The following ITPRIP variants were observed in gnomAD, a reference collection of about 807,000 sequenced individuals.
The protein encoded by ITPRIP is inositol 1,4,5-trisphosphate receptor-interacting protein.
ITPRIP carries 32 observed loss-of-function variants against 35.8 expected under a neutral mutation model. That is an observed-to-expected ratio of 0.89 (90% CI 0.68 to 1.20). The LOEUF (loss-of-function observed/expected upper bound fraction) is 1.20. Ranked by LOEUF, ITPRIP falls within the 50% of genes most tolerant of loss-of-function variation. The pLI is 0.00. For missense variants in ITPRIP, 653 were observed against 735.6 expected (o/e 0.89, Z 1.30); for synonymous variants, 358 against 324.0 (o/e 1.11, Z -1.13).
chr10:104,317,892 C>G (rs1244075088), intron 1 of ITPRIP, among the ~76,000 whole-genome samples: 1 of 152,228 alleles, frequency 6.6e-6, no homozygotes, highest in Non-Finnish European at 1.5e-5. Context: ...CCTAGACAAA[C>G]TTGCTGCTCA....
At position 104,315,298 on chromosome 10, in the gene ITPRIP, T is replaced by C. The variant is rs1564861307; in HGVS notation, c.754A>G (p.Thr252Ala). ...GTCTTGCCGCAGATGCAGCTCAATG[T>C]GTCCCCATCGGCGCGGACCACCTTG... ...QIKVVRADGD[T>A]LSCICGKTKL... Residue 252 changes from threonine to alanine, a missense_variant, in exon 2 of 2, where the codon ACA becomes GCA. Thr to Ala is a moderately conservative substitution (Grantham distance 58, BLOSUM62 0). Coordinates refer to ENST00000337478, the MANE Select transcript of ITPRIP (RefSeq NM_001272013.2). This position sits in a 1 kb window ranked among gnomAD's most constrained non-coding sequence, Gnocchi z 5.7. 2.5e-6 allele frequency: 4 copies of C among 1,591,190 alleles called. No homozygotes were observed. Among genetic ancestry groups the C allele is most frequent in the Middle Eastern group, 1.7e-4 (1 of 5,946 alleles).
At position 104,332,653 on chromosome 10, in the gene ITPRIP, A is replaced by G. The variant is rs534799014; in HGVS notation, c.-14+5593T>C. ...CAGGTCACCAAGTTAAGAGCATCAG[A>G]ACTGCTGAGTGACCTCAGCCTTGTA... is the stretch of plus-strand genomic sequence containing the variant. On this transcript the variant is annotated intron_variant, in intron 1 of 1. Transcript: ENST00000337478. Among the ~76,000 whole-genome samples the G allele has an allele frequency of 4.6e-4, 70 of 152,340 alleles. No individual in the cohort carries two copies. The South Asian group carries it at 0.014, about 32-fold the overall frequency.
At chr10:104,318,430 C>T (rs1014671617) in intron 1 of ITPRIP, among the ~76,000 whole-genome samples, 5 of 152,184 alleles carry the variant, frequency 3.3e-5, no homozygotes, top group African/African-American at 1.2e-4. Context: ...TGGGCCTTGA[C>T]CAGTCACAGT....
chr10:104,319,557 G>A (rs570718596), intron 1 of ITPRIP, among the ~76,000 whole-genome samples: 14 of 152,184 alleles, frequency 9.2e-5, no homozygotes, highest in African/African-American at 3.1e-4. Context: ...CCATCTCCCC[G>A]CTTCCCCGGA....
At chr10:104,327,534 A>G (rs1035664740) in intron 1 of ITPRIP, among the ~76,000 whole-genome samples, 2 of 152,112 alleles carry the variant, frequency 1.3e-5, no homozygotes, top group African/African-American at 4.8e-5. Flanking sequence ...CTGACCTCAC[A>G]GCAAGCCCAT....
chr10:104,314,993 C>A lies in ITPRIP; in HGVS notation c.1059G>T (p.Gln353His), dbSNP rs760642825. ...FMPFNLIPVIQCDDSDLYFVS... is the reference protein window; with the variant it reads ...FMPFNLIPVIHCDDSDLYFVS... ...CAAAGTACAGGTCCGAGTCATCACACTGGATCACAGGAATCAGGTTGAAGG... is the reference window on the plus strand; with the variant it reads ...CAAAGTACAGGTCCGAGTCATCACAATGGATCACAGGAATCAGGTTGAAGG... Residue 353 changes from glutamine to histidine, a missense_variant, in exon 2 of 2, where the codon CAG (glutamine) becomes CAT (histidine). Physicochemically the swap from Gln to His is conservative, Grantham distance 24. Transcript: ENST00000337478. 6 of 1,613,968 alleles carry A rather than the reference C, an allele frequency of 3.7e-6. No individual in the cohort carries two copies. In the Admixed American group the frequency reaches 6.7e-5, roughly 18 times the overall value.
Position 104,309,841 on chromosome 10 carries a change from A to C in ITPRIP, c.*4567T>G, listed in dbSNP as rs1182028746. The C allele has an allele frequency of 6.6e-6, 1 of 152,258 alleles. No individual in the cohort carries two copies. The highest frequency in any genetic ancestry group is 2.4e-5 in the African/African-American group (1 of 41,474). 9.4% of individuals were successfully genotyped at this position (152,258 alleles called of 1,614,324 possible). ...TCTCTGGGGAGTGGACTAAGAAGTC[A>C]GAAGTGGGACCGTTAGTCTGTTACT... is the stretch of plus-strand genomic sequence containing the variant. On this transcript the variant is annotated 3_prime_UTR_variant, in exon 2 of 2. Transcript: ENST00000337478.
In ITPRIP at chr10:104,315,494, C is replaced by T; in HGVS notation, c.558G>A (p.Glu186=). ...TGTCCACGCCAATGAAGTCCTCCAC[C>T]TCCATGTCGGTGTCCCGGTTGCAGA... The part of the protein sequence containing the change: ...RSLCNRDTDM[E]VEDFIGVDSM... The change falls in exon 2 of 2, where the codon GAG becomes GAA. Residue 186 remains glutamate, a synonymous_variant. Coordinates refer to ENST00000337478, the MANE Select transcript of ITPRIP (RefSeq NM_001272013.2). The surrounding 1 kb of genome is among the most constrained non-coding windows in gnomAD (Gnocchi z 5.7). 7 of 1,614,198 alleles carry T rather than the reference C, an allele frequency of 4.3e-6. No homozygotes were observed. Among genetic ancestry groups the T allele is most frequent in the African/African-American group, 1.3e-5 (1 of 75,076 alleles).
Position 104,311,265 on chromosome 10 carries a change from CA to C in ITPRIP, c.*3142del, listed in dbSNP as rs1158067870. 1 of 152,210 alleles carries C rather than the reference CA, an allele frequency of 6.6e-6. No homozygotes were observed. Among genetic ancestry groups the C allele is most frequent in the Non-Finnish European group, 1.5e-5 (1 of 68,040 alleles). The allele number at this position is 152,210 out of a possible 1,614,324, so 9.4% of individuals were successfully genotyped here. On this transcript the variant is annotated 3_prime_UTR_variant, in exon 2 of 2. Transcript: ENST00000337478. ...TCCAAGCAGGCTCATTGGCTTTTCC[CA>C]GGTCTATCTATCTTCCAATAGATCT...
chr10:104,335,932 GAA>G (rs55637963), intron 1 of ITPRIP, among the ~76,000 whole-genome samples: 3 of 144,404 alleles, frequency 2.1e-5, no homozygotes, highest in Non-Finnish European at 3.0e-5. Flanking sequence ...TACTTTTGGG[GAA>G]AAAAAAAAAA....
chr10:104,313,733 G>C lies in ITPRIP; in HGVS notation c.*675C>G. Reference sequence around the variant, plus strand: ...TGTAGGGTGCAGCTGAGTGAGAAGTGTAGCTGAAAAAGTGGCTAATTGTGT... The same window carrying C: ...TGTAGGGTGCAGCTGAGTGAGAAGTCTAGCTGAAAAAGTGGCTAATTGTGT... On this transcript the variant is annotated 3_prime_UTR_variant, in exon 2 of 2. Coordinates refer to ENST00000337478, the MANE Select transcript of ITPRIP (RefSeq NM_001272013.2). 4 of 985,550 alleles carry C rather than the reference G, an allele frequency of 4.1e-6. No individual in the cohort carries two copies. Among genetic ancestry groups the C allele is most frequent in the Non-Finnish European group, 4.8e-6 (4 of 830,008 alleles). The allele number at this position is 985,550 out of a possible 1,614,324, so 61.1% of individuals were successfully genotyped here. A position where few individuals can be genotyped will look rare whatever the true frequency, so the allele number is the denominator to read the frequency against.
At position 104,315,685 on chromosome 10, in the gene ITPRIP, G is replaced by GCTCATCCTC; in HGVS notation, c.358_366dup (p.Glu120_Glu122dup). On this transcript the variant is annotated inframe_insertion, in exon 2 of 2. Transcript: ENST00000337478. The surrounding 1 kb of genome is among the most constrained non-coding windows in gnomAD (Gnocchi z 5.7). The stretch of plus-strand genomic sequence containing the variant: ...AAGGGGGCGCCCCCCAGCCCAGGCA[G>GCTCATCCTC]CTCATCCTCCTCACCGCCCAGGCAC... 1 of 1,613,226 alleles carries GCTCATCCTC rather than the reference G, an allele frequency of 6.2e-7. No individual in the cohort carries two copies. Among genetic ancestry groups the GCTCATCCTC allele is most frequent in the South Asian group, 1.1e-5 (1 of 91,084 alleles).
chr10:104,331,324 A>G (rs1395450146), intron 1 of ITPRIP, among the ~76,000 whole-genome samples: 3 of 152,232 alleles, frequency 2.0e-5, no homozygotes, highest in African/African-American at 7.2e-5. Context: ...CTCAGCAAAC[A>G]AAGGACGCGT....
rs991752985 is a variant in ITPRIP at position 104,312,532 on chromosome 10, C to T, written c.*1876G>A. ...GGCTGTGAGGGATTGGGGGTAGCTC[C>T]AGGCTGCTGTTAGGGACACACTTGA... On this transcript the variant is annotated 3_prime_UTR_variant, in exon 2 of 2. Transcript: ENST00000337478. The T allele has an allele frequency of 1.9e-5, 14 of 724,898 alleles. 1 individual carries two copies. Among genetic ancestry groups the T allele is most frequent in the Non-Finnish European group, 2.4e-5 (14 of 591,858 alleles). 44.9% of individuals were successfully genotyped at this position (724,898 alleles called of 1,614,324 possible). A position where few individuals can be genotyped will look rare whatever the true frequency, so the allele number is the denominator to read the frequency against.
At chr10:104,334,776 A>G (rs2014207627) in intron 1 of ITPRIP, among the ~76,000 whole-genome samples, 1 of 152,166 alleles carries the variant, frequency 6.6e-6, no homozygotes, top group Non-Finnish European at 1.5e-5. Flanking sequence ...CCCTCACCCC[A>G]TGCTGCTCCT....
At chr10:104,327,686 G>A (rs1045162726) in intron 1 of ITPRIP, among the ~76,000 whole-genome samples, 8 of 152,304 alleles carry the variant, frequency 5.3e-5, no homozygotes, top group African/African-American at 1.7e-4. Flanking sequence ...AGGTCAGGTG[G>A]CTCTGTAGAT....
At position 104,312,847 on chromosome 10, in the gene ITPRIP, TG is replaced by T; in HGVS notation, c.*1560del. The T allele has an allele frequency of 1.0e-6, 1 of 985,406 alleles. No homozygotes were observed. The highest frequency in any genetic ancestry group is 1.2e-6 in the Non-Finnish European group (1 of 829,956). 61.0% of individuals were successfully genotyped at this position (985,406 alleles called of 1,614,324 possible). Reference sequence around the variant, plus strand: ...AGTTGGTTATGCTCTCGGGAAGGCATGGCCGGCTTAAACCCTGGAGGAACAC... The same window carrying T: ...AGTTGGTTATGCTCTCGGGAAGGCATGCCGGCTTAAACCCTGGAGGAACAC... On this transcript the variant is annotated 3_prime_UTR_variant, in exon 2 of 2. Transcript: ENST00000337478.
chr10:104,334,698 T>A (rs1277730394), intron 1 of ITPRIP, among the ~76,000 whole-genome samples: 2 of 152,144 alleles, frequency 1.3e-5, no homozygotes, highest in Non-Finnish European at 2.9e-5. Flanking sequence ...CTGGCAGCTA[T>A]CTTTCTGCTG....
Position 104,314,301 on chromosome 10 carries a change from C to T in ITPRIP, c.*107G>A, listed in dbSNP as rs114950843. 2,176 of 1,511,728 alleles carry T rather than the reference C, an allele frequency of 1.4e-3. 13 individuals carry two copies. The African/African-American group carries it at 0.017, about 12-fold the overall frequency. 93.6% of individuals were successfully genotyped at this position (1,511,728 alleles called of 1,614,324 possible). ...CCTGGCAGGCTGAGCACGGCTCCCA[C>T]GAAAGCCCGCCTTGTCCCCAGAACA... On this transcript the variant is annotated 3_prime_UTR_variant, in exon 2 of 2. Transcript: ENST00000337478.
Sources: allele counts gnomAD v4.1 joint callset (sites outside exome capture counted in the v4.1 genomes callset), GRCh38; gene constraint gnomAD v4.1.1; non-coding constraint Gnocchi (gnomAD v3.1); transcripts MANE v1.5; gene names NCBI Gene and HGNC (gene_info 2026-07-23, HGNC 2026-07-21).